The following MACROD2 variants were observed in gnomAD, a reference collection of about 807,000 sequenced individuals.
MACROD2 encodes the protein ADP-ribose glycohydrolase MACROD2.
MACROD2 carries 36 observed loss-of-function variants against 70.4 expected under a neutral mutation model. That is an observed-to-expected ratio of 0.51 (90% confidence interval 0.39 to 0.68). The LOEUF (loss-of-function observed/expected upper bound fraction) is 0.68. Ranked by LOEUF, MACROD2 falls within the 30% of genes least tolerant of loss-of-function variation. MACROD2 has a pLI of 0.00. For synonymous variants in MACROD2, 172 were observed against 178.8 expected, an observed-to-expected ratio of 0.96 and a Z score of 0.30; for missense variants, 496 against 538.4, an observed-to-expected ratio of 0.92 and a Z score of 0.78.
chr20:15,794,316 A>AT (rs1396860333), intron 8 of MACROD2, among the ~76,000 whole-genome samples: 2 of 151,898 alleles, frequency 1.3e-5, no homozygotes, highest in African/African-American at 2.4e-5. Flanking sequence ...TTTTTTATTT[A>AT]TTCAGCGTTC....
At chr20:14,478,772 C>G (rs571666602) in intron 3 of MACROD2, among the ~76,000 whole-genome samples, 2 of 152,110 alleles carry the variant, frequency 1.3e-5, no homozygotes, top group African/African-American at 4.8e-5. Flanking sequence ...AGGTTTACAT[C>G]GTAGGTCCTA....
intron 8 of MACROD2, among the ~76,000 whole-genome samples, chr20:15,653,848 C>A (rs2049684184): frequency 6.6e-6 from 1 of 152,154 alleles, no homozygotes; most frequent in Admixed American, 6.5e-5. Flanking sequence ...TTGTAACCCT[C>A]AGCATTCTTT....
rs1407124351 is a variant in MACROD2, at chr20:15,021,274, ATACGCACACCTGTGTGTG to A, written c.419-208664_419-208647del. ...TGTATACACACACCTGTGTGTGTGTATACGCACACCTGTGTGTGTGTATATGCACATATACATATACAT... is the reference window on the plus strand; with the variant it reads ...TGTATACACACACCTGTGTGTGTGTATGTATATGCACATATACATATACAT... On this transcript the variant is annotated intron_variant, in intron 5 of 17. Coordinates refer to ENST00000684519, the MANE Select transcript of MACROD2 (RefSeq NM_001351661.2). Among the ~76,000 whole-genome samples the A allele has an allele frequency of 1.8e-3, 243 of 134,194 alleles. 76 individuals are homozygous for A. The highest frequency in any genetic ancestry group is 6.4e-3 in the African/African-American group (233 of 36,580). 88.0% of individuals were successfully genotyped at this position (134,194 alleles called of 152,430 possible).
At chr20:14,331,588 C>A (rs538489844) in intron 3 of MACROD2, among the ~76,000 whole-genome samples, 2 of 152,060 alleles carry the variant, frequency 1.3e-5, no homozygotes, top group Admixed American at 6.6e-5. Context: ...ATGAAGATTA[C>A]GTTCAGAGCT....
At chr20:14,767,047 G>A (rs2072099981) in intron 5 of MACROD2, among the ~76,000 whole-genome samples, 1 of 152,054 alleles carries the variant, frequency 6.6e-6, no homozygotes, top group South Asian at 2.1e-4. Context: ...TAAGAGCAAA[G>A]GCCAGGCGTG....
intron 5 of MACROD2, among the ~76,000 whole-genome samples, chr20:14,900,820 T>C (rs928803860): frequency 1.3e-5 from 2 of 152,022 alleles, no homozygotes; most frequent in South Asian, 4.1e-4. Context: ...GCTTAAGTTT[T>C]TATTATTTCT....
At chr20:15,042,712 C>T (rs2075365223) in intron 5 of MACROD2, among the ~76,000 whole-genome samples, 1 of 152,242 alleles carries the variant, frequency 6.6e-6, no homozygotes, top group Middle Eastern at 3.4e-3. Flanking sequence ...CTCAGCGTGC[C>T]ATAGTTTGCA....
intron 3 of MACROD2, among the ~76,000 whole-genome samples, chr20:14,116,821 C>A (rs899731480): frequency 3.3e-5 from 5 of 152,106 alleles, no homozygotes; most frequent in Admixed American, 6.5e-5. Context: ...GTAATCCCAG[C>A]ACTTTGGGAG....
At chr20:15,212,322 C>T (rs749976293) in intron 5 of MACROD2, among the ~76,000 whole-genome samples, 6 of 152,118 alleles carry the variant, frequency 3.9e-5, no homozygotes, top group Non-Finnish European at 1.5e-5. Flanking sequence ...CACATGCACA[C>T]CCTGATCTTT....
At chr20:15,407,855 T>C (rs2046025099) in intron 6 of MACROD2, among the ~76,000 whole-genome samples, 1 of 152,186 alleles carries the variant, frequency 6.6e-6, no homozygotes, top group Non-Finnish European at 1.5e-5. Flanking sequence ...GTTTACAGAT[T>C]AGCTAGTGCA....
chr20:15,095,953 A>C (rs6074839), intron 5 of MACROD2, among the ~76,000 whole-genome samples: 49,869 of 151,822 alleles, frequency 0.33, 8,830 homozygotes, highest in African/African-American at 0.45. Flanking sequence ...AATTGTGAGA[A>C]TATAGAAGGG....
At chr20:15,287,071 C>G (rs1353376593) in intron 6 of MACROD2, among the ~76,000 whole-genome samples, 2 of 152,072 alleles carry the variant, frequency 1.3e-5, no homozygotes, top group African/African-American at 4.8e-5. Context: ...TGAAGCAGTT[C>G]TCTTGTATCA....
intron 5 of MACROD2, among the ~76,000 whole-genome samples, chr20:14,974,643 G>C (rs2074722008): frequency 6.6e-6 from 1 of 151,798 alleles, no homozygotes; most frequent in Non-Finnish European, 1.5e-5. Context: ...TGCAGGAAGT[G>C]ACCTCTAGTG....
chr20:14,614,285 G>C (rs1478857559), intron 4 of MACROD2, among the ~76,000 whole-genome samples: 1 of 152,058 alleles, frequency 6.6e-6, no homozygotes, highest in African/African-American at 2.4e-5. Flanking sequence ...TAGTTAACTT[G>C]GGGTAAGTGC....
chr20:15,767,147 A>ATT (rs1253407143), intron 8 of MACROD2, among the ~76,000 whole-genome samples: 1 of 152,230 alleles, frequency 6.6e-6, no homozygotes, highest in East Asian at 1.9e-4. Flanking sequence ...AAGCTTATAA[A>ATT]ATAACACAAG....
chr20:14,684,708 A>G (rs1822794772), intron 4 of MACROD2, 135 bp from the exon 5 acceptor site: 1 of 567,258 alleles, frequency 1.8e-6, no homozygotes, highest in African/African-American at 1.9e-5. Context: ...GAAACATTGG[A>G]CACCCTGGGT....
intron 5 of MACROD2, among the ~76,000 whole-genome samples, chr20:14,693,210 T>C (rs573833413): frequency 1.3e-5 from 2 of 152,332 alleles, no homozygotes; most frequent in Non-Finnish European, 2.9e-5. Context: ...CCTTTGGATG[T>C]GTTTAATCAG....
At chr20:14,569,423 G>T (rs962996503) in intron 4 of MACROD2, among the ~76,000 whole-genome samples, 10 of 151,916 alleles carry the variant, frequency 6.6e-5, no homozygotes, top group African/African-American at 2.4e-4. Flanking sequence ...ATGAATTTTT[G>T]TGGGTAGAAT....
chr20:15,154,682 G>C (rs2076294498), intron 5 of MACROD2, among the ~76,000 whole-genome samples: 2 of 152,150 alleles, frequency 1.3e-5, no homozygotes, highest in South Asian at 4.1e-4. Flanking sequence ...GAGTTCTCTA[G>C]GGCTCTCTGT....
Sources: allele counts gnomAD v4.1 joint callset (sites outside exome capture counted in the v4.1 genomes callset), GRCh38; gene constraint gnomAD v4.1.1; transcripts MANE v1.5; gene names NCBI Gene and HGNC (gene_info 2026-07-23, HGNC 2026-07-21).